Variants in XKR4 observed in about 807,000 individuals in gnomAD.
The protein encoded by XKR4 is XK-related protein 4.
A neutral mutation model predicts 53.9 loss-of-function variants in XKR4; 12 were observed. That is an observed-to-expected ratio of 0.22 (90% CI 0.14 to 0.36). XKR4 has a LOEUF of 0.36. Ranked by LOEUF, XKR4 falls within the 10% of genes least tolerant of loss-of-function variation. The pLI, the probability that XKR4 is intolerant of heterozygous loss-of-function variation, is 1.00. For synonymous variants in XKR4, 354 were observed against 362.4 expected, an observed-to-expected ratio of 0.98 and a Z score of 0.26; for missense variants, 799 against 859.5, an observed-to-expected ratio of 0.93 and a Z score of 0.88.
chr8:55,469,559 G>C (rs1390309882), intron 2 of XKR4, among the ~76,000 whole-genome samples: 5 of 152,044 alleles, frequency 3.3e-5, no homozygotes, highest in African/African-American at 7.3e-5. Context: ...CTTTAAATCT[G>C]TATCCTACTT....
intron 2 of XKR4, among the ~76,000 whole-genome samples, chr8:55,492,253 T>A (rs2658908): frequency 0.42 from 63,366 of 151,986 alleles, 14,634 homozygotes; most frequent in African/African-American, 0.62. Flanking sequence ...AGGAAAAAAA[T>A]TCAGAACCGG....
intron 2 of XKR4, among the ~76,000 whole-genome samples, chr8:55,432,709 C>T (rs1320977292): frequency 6.6e-6 from 1 of 152,210 alleles, no homozygotes; most frequent in African/African-American, 2.4e-5. Flanking sequence ...GCTCCCATTT[C>T]TTCTGGGAGG....
chr8:55,523,150 A>C, intron 2 of XKR4, 131 bp from the exon 3 acceptor site: 1 of 841,430 alleles, frequency 1.2e-6, no homozygotes, highest in Non-Finnish European at 1.8e-6. Flanking sequence ...TCAAAAAAAA[A>C]AAAAAAAAGA....
Position 55,536,339 on chromosome 8 carries a change from T to A in XKR4, c.*12112T>A, listed in dbSNP as rs568762730. 5.3e-5 allele frequency: 8 copies of A among 152,346 alleles called. No homozygotes were observed. In the South Asian group the frequency reaches 6.2e-4, roughly 12 times the overall value. 9.4% of individuals were successfully genotyped at this position (152,346 alleles called of 1,614,324 possible). ...TTCTTCCTCCTGACTAAGTTTCTTT[T>A]CTTTGGGGGGCTTTCAACATCTGAA... On this transcript the variant is annotated 3_prime_UTR_variant, in exon 3 of 3. Coordinates refer to ENST00000327381, the MANE Select transcript of XKR4 (RefSeq NM_052898.2).
chr8:55,228,053 C>T (rs746903555), intron 1 of XKR4, among the ~76,000 whole-genome samples: 4 of 152,096 alleles, frequency 2.6e-5, no homozygotes, highest in Admixed American at 2.0e-4. Flanking sequence ...ATTACGGACA[C>T]GCACCACCAC....
chr8:55,316,972 A>G (rs1819486702), intron 1 of XKR4, among the ~76,000 whole-genome samples: 1 of 152,226 alleles, frequency 6.6e-6, no homozygotes, highest in African/African-American at 2.4e-5. Flanking sequence ...TAAAAGGAAT[A>G]GCTGGCTGGG....
chr8:55,440,774 T>C (rs555571988), intron 2 of XKR4, among the ~76,000 whole-genome samples: 2 of 152,216 alleles, frequency 1.3e-5, no homozygotes, highest in South Asian at 4.1e-4. Flanking sequence ...AATTAAAACA[T>C]GAGAGCAATT....
intron 1 of XKR4, among the ~76,000 whole-genome samples, chr8:55,333,659 C>A (rs1448086749): frequency 6.6e-6 from 1 of 152,116 alleles, no homozygotes; most frequent in African/African-American, 2.4e-5. Context: ...CAATGGCTTT[C>A]TCTAGCCTGA....
intron 2 of XKR4, among the ~76,000 whole-genome samples, chr8:55,497,620 C>T (rs1202991455): frequency 1.3e-5 from 2 of 152,236 alleles, no homozygotes; most frequent in African/African-American, 2.4e-5. Flanking sequence ...ATCCTTGAGT[C>T]TTCTTGTTCA....
At chr8:55,500,151 G>A (rs1383157002) in intron 2 of XKR4, among the ~76,000 whole-genome samples, 3 of 146,048 alleles carry the variant, frequency 2.1e-5, no homozygotes, top group African/African-American at 5.2e-5. Context: ...CAGAAGTTCT[G>A]GGAAAAGCAT....
At chr8:55,296,895 G>A (rs980447200) in intron 1 of XKR4, among the ~76,000 whole-genome samples, 3 of 152,100 alleles carry the variant, frequency 2.0e-5, no homozygotes, top group Non-Finnish European at 4.4e-5. Context: ...TATTATACAA[G>A]AAAGAATAAG....
intron 1 of XKR4, among the ~76,000 whole-genome samples, chr8:55,145,474 G>T (rs1485159196): frequency 6.6e-6 from 1 of 151,802 alleles, no homozygotes; most frequent in African/African-American, 2.4e-5. Flanking sequence ...CAATGTTTTA[G>T]ATTCATTCTG....
chr8:55,266,589 G>T (rs1306063097), intron 1 of XKR4, among the ~76,000 whole-genome samples: 1 of 152,138 alleles, frequency 6.6e-6, no homozygotes, highest in Non-Finnish European at 1.5e-5. Context: ...CAACCAGAAT[G>T]GAATACAAGA....
intron 1 of XKR4, among the ~76,000 whole-genome samples, chr8:55,279,681 C>T (rs1360282784): frequency 6.6e-6 from 1 of 152,172 alleles, no homozygotes; most frequent in Non-Finnish European, 1.5e-5. Flanking sequence ...TAGAGTGAGC[C>T]AGTATGGTGC....
intron 1 of XKR4, among the ~76,000 whole-genome samples, chr8:55,184,345 G>A (rs1486183381): frequency 1.3e-5 from 2 of 152,088 alleles, no homozygotes; most frequent in Admixed American, 6.6e-5. Flanking sequence ...TCTCTAAGCT[G>A]AAACTAGATG....
chr8:55,401,072 G>A (rs1804594121), intron 2 of XKR4, among the ~76,000 whole-genome samples: 1 of 152,206 alleles, frequency 6.6e-6, no homozygotes, highest in East Asian at 1.9e-4. Flanking sequence ...CCAGGTGACT[G>A]CCCCAGGGAA....
chr8:55,451,333 A>G, intron 2 of XKR4: 1 of 629,746 alleles, frequency 1.6e-6, no homozygotes, highest in East Asian at 2.8e-5. Flanking sequence ...CAGAGTGGTG[A>G]CCCTGGCTCT....
intron 1 of XKR4, among the ~76,000 whole-genome samples, chr8:55,299,152 A>G (rs192351132): frequency 8.9e-4 from 135 of 152,210 alleles, no homozygotes; most frequent in African/African-American, 3.1e-3. Flanking sequence ...TTACATTGAC[A>G]TTTTGGAGAA....
intron 1 of XKR4, among the ~76,000 whole-genome samples, chr8:55,210,065 T>C (rs1378432605): frequency 6.9e-6 from 1 of 145,862 alleles, no homozygotes; most frequent in Non-Finnish European, 1.5e-5. Flanking sequence ...TTTTCTAGAG[T>C]TTTATGCCTT....
Sources: gnomAD v4.1 joint callset for allele counts (sites outside exome capture counted in the v4.1 genomes callset) on GRCh38, gnomAD v4.1.1 for gene constraint, MANE v1.5 for transcripts, NCBI Gene and HGNC (gene_info 2026-07-23, HGNC 2026-07-21) for gene names.